Variants in ARHGAP26 observed in about 807,000 individuals in gnomAD.
ARHGAP26 encodes Rho GTPase activating protein 26, also known as rho GTPase-activating protein 26.
Under a neutral mutation model 104.8 loss-of-function variants are expected in ARHGAP26, and 38 were observed. The observed-to-expected ratio is 0.36, with a 90% CI of 0.28 to 0.48. The LOEUF (loss-of-function observed/expected upper bound fraction) is 0.48. Ranked by LOEUF, ARHGAP26 falls within the 20% of genes least tolerant of loss-of-function variation. The probability of loss-of-function intolerance (pLI) is 0.99; values close to 1 mark genes in which losing one functional copy is unlikely to be tolerated. For synonymous variants in ARHGAP26, 341 were observed against 340.0 expected, an observed-to-expected ratio of 1.00 and a Z score of -0.03; for missense variants, 704 against 947.9, an observed-to-expected ratio of 0.74 and a Z score of 3.38.
At chr5:142,953,393 G>A (rs1037676240) in intron 11 of ARHGAP26, among the ~76,000 whole-genome samples, 2 of 152,196 alleles carry the variant, frequency 1.3e-5, no homozygotes, top group Non-Finnish European at 2.9e-5. Flanking sequence ...GTACGGTGCA[G>A]TGGTTAGTTA....
chr5:143,012,955 A>G (rs1392059646), intron 11 of ARHGAP26, among the ~76,000 whole-genome samples: 3 of 151,652 alleles, frequency 2.0e-5, no homozygotes, highest in African/African-American at 4.8e-5. Flanking sequence ...TGCCTGGCCG[A>G]TTTTTTTCTT....
chr5:143,196,047 C>T (rs1295194659), intron 20 of ARHGAP26, among the ~76,000 whole-genome samples: 1 of 152,058 alleles, frequency 6.6e-6, no homozygotes, highest in Non-Finnish European at 1.5e-5. Flanking sequence ...AAGGTACTTA[C>T]TGTTCATATG....
At chr5:143,201,695 G>A (rs1373094569) in intron 20 of ARHGAP26, among the ~76,000 whole-genome samples, 1 of 152,138 alleles carries the variant, frequency 6.6e-6, no homozygotes, top group Non-Finnish European at 1.5e-5. Context: ...ATGAGTATGA[G>A]AACACATAGT....
chr5:143,111,347 A>T (rs1794752875), intron 17 of ARHGAP26, among the ~76,000 whole-genome samples: 2 of 152,188 alleles, frequency 1.3e-5, no homozygotes. Context: ...ATACTAGAGC[A>T]TTTAAGAGCA....
chr5:143,012,554 T>TATATATATATTTATATATATAC (rs1562259541), intron 11 of ARHGAP26, among the ~76,000 whole-genome samples: 4 of 66,182 alleles, frequency 6.0e-5, no homozygotes, highest in Non-Finnish European at 1.6e-4. Context: ...CATACATACA[T>TATATATATATTTATATATATAC]ATATATATAT....
chr5:143,218,354 T>C (rs1258511341), intron 22 of ARHGAP26, among the ~76,000 whole-genome samples: 2 of 152,232 alleles, frequency 1.3e-5, no homozygotes, highest in Non-Finnish European at 2.9e-5. Flanking sequence ...GAGCAAAATC[T>C]GGTCTGCTTG....
intron 1 of ARHGAP26, among the ~76,000 whole-genome samples, chr5:142,845,986 A>T (rs1255751710): frequency 6.6e-6 from 1 of 152,088 alleles, no homozygotes. Flanking sequence ...CTGTGAGACC[A>T]ATCACGTTTT....
At position 143,039,382 on chromosome 5, in the gene ARHGAP26, A is replaced by G. The variant is rs149787444; in HGVS notation, c.1210+2121A>G. Among the ~76,000 whole-genome samples the G allele has an allele frequency of 1.3e-3, 194 of 151,702 alleles. 1 individual carries two copies. The highest frequency in any genetic ancestry group is 4.6e-3 in the African/African-American group (191 of 41,342). On this transcript the variant is annotated intron_variant, in intron 13 of 22. Coordinates refer to ENST00000645722, the MANE Select transcript of ARHGAP26 (RefSeq NM_001135608.3). Reference sequence around the variant, plus strand: ...GCCACCATGCCCAGCTAATTTTTGTACTTTTAGTAGAGATGGTTTTACCAC... The same window carrying G: ...GCCACCATGCCCAGCTAATTTTTGTGCTTTTAGTAGAGATGGTTTTACCAC...
In ARHGAP26 at chr5:143,104,183, C is replaced by A. The variant is rs568982294; in HGVS notation, c.1539-16805C>A. Among the ~76,000 whole-genome samples the A allele has an allele frequency of 2.0e-5, 3 of 152,082 alleles. No homozygotes were observed. The South Asian group carries it at 6.2e-4, about 32-fold the overall frequency. On this transcript the variant is annotated intron_variant, in intron 17 of 22. Coordinates refer to ENST00000645722, the MANE Select transcript of ARHGAP26 (RefSeq NM_001135608.3). ...GGTGGGAATGTAAATTGACATAGAT[C>A]TCATGGGTGACAGTTTGGTAATATC...
At chr5:142,923,459 T>G (rs972789609) in intron 10 of ARHGAP26, among the ~76,000 whole-genome samples, 2 of 152,216 alleles carry the variant, frequency 1.3e-5, no homozygotes, top group African/African-American at 4.8e-5. Flanking sequence ...TTTCATAGTT[T>G]GTTATCAATA....
chr5:142,967,321 G>C (rs1157631057), intron 11 of ARHGAP26, among the ~76,000 whole-genome samples: 1 of 152,208 alleles, frequency 6.6e-6, no homozygotes. Context: ...CAAGCGGTTA[G>C]AAGGTGTATG....
At chr5:142,994,490 T>C (rs955810355) in intron 11 of ARHGAP26, among the ~76,000 whole-genome samples, 15 of 152,192 alleles carry the variant, frequency 9.9e-5, no homozygotes, top group African/African-American at 3.4e-4. Flanking sequence ...ATTTCAGAGC[T>C]GTGGCCACAT....
chr5:142,852,155 G>A (rs753711343), intron 1 of ARHGAP26, among the ~76,000 whole-genome samples: 5 of 152,132 alleles, frequency 3.3e-5, no homozygotes, highest in Non-Finnish European at 5.9e-5. Flanking sequence ...AGAAAAGAAA[G>A]AGTGAGGTAT....
chr5:143,141,469 G>T (rs1319332227), intron 19 of ARHGAP26, among the ~76,000 whole-genome samples: 1 of 152,202 alleles, frequency 6.6e-6, no homozygotes, highest in Non-Finnish European at 1.5e-5. Context: ...TCTGTGTGCA[G>T]ATGCAAATGC....
At chr5:143,041,588 T>C (rs1783469893) in intron 13 of ARHGAP26, 1 of 442,630 alleles carries the variant, frequency 2.3e-6, no homozygotes, top group African/African-American at 2.0e-5. Flanking sequence ...ATGACTGAAC[T>C]AACATGAGGG....
chr5:143,053,177 C>T (rs533354576), intron 14 of ARHGAP26, among the ~76,000 whole-genome samples: 3 of 152,142 alleles, frequency 2.0e-5, no homozygotes, highest in Admixed American at 6.5e-5. Flanking sequence ...AATATCTGTT[C>T]GTGAGTCCTG....
chr5:142,779,789 A>G (rs1169987869), intron 1 of ARHGAP26, among the ~76,000 whole-genome samples: 1 of 152,230 alleles, frequency 6.6e-6, no homozygotes, highest in Non-Finnish European at 1.5e-5. Context: ...TGTCAAACAG[A>G]TAGGACCAAA....
intron 10 of ARHGAP26, chr5:142,921,418 T>C (rs981712747): frequency 4.8e-5 from 8 of 166,466 alleles, no homozygotes; most frequent in African/African-American, 1.4e-4. Flanking sequence ...TTATTTTCTT[T>C]GAGGCCATGG....
chr5:143,063,020 A>G (rs563004296), intron 17 of ARHGAP26, among the ~76,000 whole-genome samples: 54 of 152,306 alleles, frequency 3.5e-4, no homozygotes, highest in African/African-American at 1.2e-3. Flanking sequence ...TCCCTCAGCC[A>G]TACACCCTGG....
Sources: allele counts gnomAD v4.1 joint callset (sites outside exome capture counted in the v4.1 genomes callset), GRCh38; gene constraint gnomAD v4.1.1; transcripts MANE v1.5; gene names NCBI Gene and HGNC (gene_info 2026-07-23, HGNC 2026-07-21).